The following LGALS3 variants were observed in gnomAD, a reference collection of about 807,000 sequenced individuals.
LGALS3 encodes galectin 3.
LGALS3 carries 18 observed loss-of-function variants against 20.7 expected under a neutral mutation model. The ratio of observed to expected loss-of-function variants is 0.87; its 90% CI spans 0.60 to 1.29. LGALS3 has a LOEUF of 1.29. Among genes scored for constraint, LGALS3 ranks in the 50% most tolerant of loss-of-function variants. The pLI is 0.00. For synonymous variants in LGALS3, 112 were observed against 119.6 expected, an observed-to-expected ratio of 0.94 and a Z score of 0.42; for missense variants, 315 against 314.7, an observed-to-expected ratio of 1.00 and a Z score of -0.01.
At chr14:55,130,371 A>G (rs1376333520) in intron 1 of LGALS3, among the ~76,000 whole-genome samples, 1 of 152,036 alleles carries the variant, frequency 6.6e-6, no homozygotes, top group Non-Finnish European at 1.5e-5. Context: ...GACTCTGGGA[A>G]TTGGGTTGCT....
At chr14:55,138,702 A>G (rs1881512040) in intron 3 of LGALS3, among the ~76,000 whole-genome samples, 2 of 152,232 alleles carry the variant, frequency 1.3e-5, no homozygotes, top group Admixed American at 6.5e-5. Flanking sequence ...TTACCACGCT[A>G]TAAGATACTG....
intron 5 of LGALS3, among the ~76,000 whole-genome samples, chr14:55,143,983 C>G (rs1881726402): frequency 6.8e-6 from 1 of 147,786 alleles, no homozygotes; most frequent in South Asian, 2.1e-4. Context: ...TAGATATTGT[C>G]AAATTGCTGC....
chr14:55,145,391 T>G lies in LGALS3; in HGVS notation c.*120T>G, dbSNP rs753744803. On this transcript the variant is annotated 3_prime_UTR_variant, in exon 6 of 6. Coordinates refer to ENST00000254301, the MANE Select transcript of LGALS3 (RefSeq NM_002306.4). ...AATATCCCTCTTGTAAGTCATCTAC[T>G]TAATAAATATTACAGTGAATTACCT... The G allele has an allele frequency of 7.9e-6, 12 of 1,513,804 alleles. No homozygotes were observed. The highest frequency in any genetic ancestry group is 1.1e-5 in the Non-Finnish European group (12 of 1,122,494). The allele number at this position is 1,513,804 out of a possible 1,614,324, so 93.8% of individuals were successfully genotyped here.
chr14:55,138,671 GGATAATCTCATTTA>G (rs1199562939), intron 3 of LGALS3, among the ~76,000 whole-genome samples: 1 of 152,088 alleles, frequency 6.6e-6, no homozygotes, highest in Non-Finnish European at 1.5e-5. Flanking sequence ...GCATCTACAT[GGATAATCTCATTTA>G]ACCCCATTAC....
At chr14:55,133,143 GAAGT>G (rs1322669438) in intron 1 of LGALS3, among the ~76,000 whole-genome samples, 1 of 152,150 alleles carries the variant, frequency 6.6e-6, no homozygotes, top group Non-Finnish European at 1.5e-5. Context: ...ATTTCACAAT[GAAGT>G]AATTAACACT....
At chr14:55,132,568 G>T (rs1471897376) in intron 1 of LGALS3, among the ~76,000 whole-genome samples, 1 of 151,120 alleles carries the variant, frequency 6.6e-6, no homozygotes, top group Non-Finnish European at 1.5e-5. Context: ...CAGTTATAAT[G>T]CTTTTCTTTT....
At position 55,132,303 on chromosome 14, in the gene LGALS3, G is replaced by A. The variant is rs1881255805; in HGVS notation, c.-5+3003G>A. 4.1e-5 allele frequency among the ~76,000 whole-genome samples: 6 copies of A among 146,794 alleles called. No homozygotes were observed. The South Asian group carries it at 1.1e-3, about 26-fold the overall frequency. ...CTCTACTTTTAGTTTATTTTTTGAA[G>A]TTTTTTTTTTTTCCCCTCTGACTGT... On this transcript the variant is annotated intron_variant, in intron 1 of 5. Transcript: ENST00000254301.
chr14:55,138,280 G>T lies in LGALS3; in HGVS notation c.254G>T (p.Gly85Val), dbSNP rs201462121. Reference sequence around the variant, plus strand: ...GGAGTCTACCCAGGGCCACCCAGCGGCCCTGGGGCCTACCCATCTTCTGGA... The same window carrying T: ...GGAGTCTACCCAGGGCCACCCAGCGTCCCTGGGGCCTACCCATCTTCTGGA... ...APGVYPGPPSGPGAYPSSGQP... is the reference protein window; with the variant it reads ...APGVYPGPPSVPGAYPSSGQP... The change falls in exon 3 of 6, where the codon GGC (glycine) becomes GTC (valine). Residue 85 changes from glycine (G) to valine (V), a missense_variant. By Grantham distance (109) the Gly-to-Val change is moderately radical. Coordinates refer to ENST00000254301, the MANE Select transcript of LGALS3 (RefSeq NM_002306.4). The T allele has an allele frequency of 3.3e-5, 53 of 1,612,788 alleles. No individual in the cohort carries two copies. The highest frequency in any genetic ancestry group is 6.7e-5 in the Admixed American group (4 of 59,992).
chr14:55,132,131 A>G (rs1881250092), intron 1 of LGALS3, among the ~76,000 whole-genome samples: 1 of 152,222 alleles, frequency 6.6e-6, no homozygotes, highest in African/African-American at 2.4e-5. Flanking sequence ...TGCAGCGGAT[A>G]GCTACTCTTT....
At chr14:55,144,603 G>A (rs1305799294) in intron 5 of LGALS3, among the ~76,000 whole-genome samples, 6 of 151,606 alleles carry the variant, frequency 4.0e-5, no homozygotes, top group South Asian at 2.1e-4. Context: ...TCACTCTTTC[G>A]CCCAGGCTGG....
chr14:55,136,501 G>A (rs1341562393), intron 1 of LGALS3, among the ~76,000 whole-genome samples: 1 of 151,968 alleles, frequency 6.6e-6, no homozygotes, highest in African/African-American at 2.4e-5. Flanking sequence ...TGCACTGTAG[G>A]CCCTTCGGCT....
Position 55,138,866 on chromosome 14 carries a change from C to T in LGALS3, c.342+498C>T, listed in dbSNP as rs545086909. ...TTGTGATCTAAGGGTTGAATTTTCA[C>T]GCAAATTAAAATATGTCATAGCAAG... is the stretch of plus-strand genomic sequence containing the variant. On this transcript the variant is annotated intron_variant, in intron 3 of 5. Transcript: ENST00000254301. Among the ~76,000 whole-genome samples, 106 of 152,236 alleles carry T rather than the reference C, an allele frequency of 7.0e-4. 1 individual carries two copies. The highest frequency in any genetic ancestry group is 2.4e-3 in the African/African-American group (100 of 41,520).
At chr14:55,142,863 C>T (rs1881678208) in intron 5 of LGALS3, 114 bp downstream of exon 5, 1 of 770,146 alleles carries the variant, frequency 1.3e-6, no homozygotes, top group South Asian at 2.0e-5. Context: ...AGGTGCCTAA[C>T]CAGTTTATCT....
intron 1 of LGALS3, among the ~76,000 whole-genome samples, chr14:55,134,627 G>A (rs1253635480): frequency 6.6e-6 from 1 of 152,074 alleles, no homozygotes. Context: ...CAACTTATAC[G>A]GTTTCTTATA....
rs576746054 is a variant in LGALS3, at chr14:55,136,985, G to A, written c.-4-385G>A. Among the ~76,000 whole-genome samples, 8 of 152,300 alleles carry A rather than the reference G, an allele frequency of 5.3e-5. No individual in the cohort carries two copies. The South Asian group carries it at 1.2e-3, about 24-fold the overall frequency. On this transcript the variant is annotated intron_variant, in intron 1 of 5. Transcript: ENST00000254301. ...CCTGGCCAGGAGCAGGCATAAGTGT[G>A]TGCAAATAGAGGAATAAATAGCAGG...
chr14:55,140,097 C>A (rs910893917), intron 3 of LGALS3, among the ~76,000 whole-genome samples, 178 bp from the exon 4 acceptor site: 20 of 152,166 alleles, frequency 1.3e-4, no homozygotes, highest in Admixed American at 1.1e-3. Context: ...ATTTGTACAT[C>A]TAGGGAGCCT....
rs563446469 is a variant in LGALS3 at position 55,144,298 on chromosome 14, C to T, written c.598-818C>T. On this transcript the variant is annotated intron_variant, in intron 5 of 5. Transcript: ENST00000254301. ...GCGGAGACCACAGATGTATGCCACC[C>T]ACGTGTGGCTAATTTTTGTATTTTT... Among the ~76,000 whole-genome samples the T allele has an allele frequency of 2.6e-5, 4 of 152,254 alleles. No homozygotes were observed. In the South Asian group the frequency reaches 8.3e-4, roughly 32 times the overall value.
chr14:55,131,353 TAGTG>T (rs1203837919), intron 1 of LGALS3, among the ~76,000 whole-genome samples: 1 of 152,242 alleles, frequency 6.6e-6, no homozygotes, highest in Non-Finnish European at 1.5e-5. Context: ...ACTTTTCACT[TAGTG>T]AGGTCAAGAG....
At position 55,143,463 on chromosome 14, in the gene LGALS3, C is replaced by G. The variant is rs542870878; in HGVS notation, c.597+714C>G. 4.0e-4 allele frequency: 142 copies of G among 359,486 alleles called. 1 individual carries two copies. The highest frequency in any genetic ancestry group is 1.0e-3 in the South Asian group (50 of 49,942). The allele number at this position is 359,486 out of a possible 1,614,324, so 22.3% of individuals were successfully genotyped here. On this transcript the variant is annotated intron_variant, in intron 5 of 5. Coordinates refer to ENST00000254301, the MANE Select transcript of LGALS3 (RefSeq NM_002306.4). ...TTCGAGACAGAGTCTCGCTCTGTCG[C>G]CAGGCTGGAGTACAGTGGCACGATC... is the stretch of plus-strand genomic sequence containing the variant.
Sources: allele counts gnomAD v4.1 joint callset (sites outside exome capture counted in the v4.1 genomes callset), GRCh38; gene constraint gnomAD v4.1.1; transcripts MANE v1.5; gene names NCBI Gene and HGNC (gene_info 2026-07-23, HGNC 2026-07-21).